HS3ST3A1: variants seen among roughly 807,000 people sequenced by gnomAD.
HS3ST3A1 encodes heparan sulfate-glucosamine 3-sulfotransferase 3A1.
Under a neutral mutation model 25.7 loss-of-function variants are expected in HS3ST3A1, and 19 were observed. The ratio of observed to expected loss-of-function variants is 0.74; its 90% CI spans 0.52 to 1.08. HS3ST3A1 has a LOEUF of 1.08. HS3ST3A1 is among the 50% of genes least tolerant of loss of function. The pLI, the probability that HS3ST3A1 is intolerant of heterozygous loss-of-function variation, is 0.00. For missense variants in HS3ST3A1, 459 were observed against 594.3 expected (o/e 0.77, Z 2.37); for synonymous variants, 226 against 278.6 (o/e 0.81, Z 1.88).
At chr17:13,519,068 G>A (rs900093573) in intron 1 of HS3ST3A1, among the ~76,000 whole-genome samples, 1 of 152,128 alleles carries the variant, frequency 6.6e-6, no homozygotes, top group Non-Finnish European at 1.5e-5. Context: ...TATTAACAGT[G>A]GTTACCTCTA....
At chr17:13,547,166 T>C (rs1247928391) in intron 1 of HS3ST3A1, among the ~76,000 whole-genome samples, 2 of 152,106 alleles carry the variant, frequency 1.3e-5, no homozygotes, top group Non-Finnish European at 2.9e-5. Context: ...ACTTCATCCC[T>C]CCCCATAGCA....
intron 1 of HS3ST3A1, among the ~76,000 whole-genome samples, chr17:13,503,162 A>C (rs1905539320): frequency 7.0e-6 from 1 of 142,264 alleles, no homozygotes; most frequent in Admixed American, 7.1e-5. Flanking sequence ...CAAGAGAGCA[A>C]GACTCCATCT....
In HS3ST3A1 at chr17:13,496,146, G is replaced by T. The variant is rs776298980; in HGVS notation, c.*51C>A. The T allele has an allele frequency of 1.5e-5, 22 of 1,454,812 alleles. No individual in the cohort carries two copies. The Admixed American group carries it at 2.9e-4, about 19-fold the overall frequency. The allele number at this position is 1,454,812 out of a possible 1,614,324, so 90.1% of individuals were successfully genotyped here. ...TAAACTGTCTCTTCTCTACCGATTGGTAAAAAAATATATTATATTTTGATT... is the reference window on the plus strand; with the variant it reads ...TAAACTGTCTCTTCTCTACCGATTGTTAAAAAAATATATTATATTTTGATT... On this transcript the variant is annotated 3_prime_UTR_variant, in exon 2 of 2. Coordinates refer to ENST00000284110, the MANE Select transcript of HS3ST3A1 (RefSeq NM_006042.3).
At chr17:13,515,530 T>C (rs1439610640) in intron 1 of HS3ST3A1, among the ~76,000 whole-genome samples, 1 of 149,178 alleles carries the variant, frequency 6.7e-6, no homozygotes, top group African/African-American at 2.5e-5. Flanking sequence ...GCACCACGAT[T>C]TGTTTATCCA....
intron 1 of HS3ST3A1, among the ~76,000 whole-genome samples, chr17:13,572,884 T>C (rs1907855218): frequency 1.3e-5 from 2 of 152,182 alleles, no homozygotes; most frequent in African/African-American, 2.4e-5. Context: ...AAATTGTATA[T>C]ATTGAATTAG....
chr17:13,507,113 T>C (rs1235498282), intron 1 of HS3ST3A1, among the ~76,000 whole-genome samples: 1 of 148,752 alleles, frequency 6.7e-6, no homozygotes, highest in Non-Finnish European at 1.5e-5. Flanking sequence ...AGTCAGAAGA[T>C]GAAGTTCATA....
At chr17:13,542,866 A>G (rs1175620871) in intron 1 of HS3ST3A1, among the ~76,000 whole-genome samples, 2 of 152,212 alleles carry the variant, frequency 1.3e-5, no homozygotes, top group East Asian at 3.9e-4. Flanking sequence ...GGGTGGAAAG[A>G]GGAGCTGAAG....
At chr17:13,541,057 G>A (rs1408100713) in intron 1 of HS3ST3A1, among the ~76,000 whole-genome samples, 4 of 152,168 alleles carry the variant, frequency 2.6e-5, no homozygotes, top group Admixed American at 6.5e-5. Flanking sequence ...GTTTTAAACT[G>A]AAAGCTATGA....
At chr17:13,504,604 A>AT (rs1170458974) in intron 1 of HS3ST3A1, among the ~76,000 whole-genome samples, 14 of 152,112 alleles carry the variant, frequency 9.2e-5, no homozygotes, top group African/African-American at 3.4e-4. Context: ...GTGTCCCATG[A>AT]TTTGTGTCCT....
intron 1 of HS3ST3A1, among the ~76,000 whole-genome samples, chr17:13,577,890 C>T (rs956138890): frequency 4.2e-5 from 5 of 118,150 alleles, no homozygotes; most frequent in African/African-American, 7.0e-5. Context: ...GTGTGTGTGT[C>T]AAAAGAATTC....
chr17:13,562,280 G>A (rs543348161), intron 1 of HS3ST3A1, among the ~76,000 whole-genome samples: 1 of 152,114 alleles, frequency 6.6e-6, no homozygotes, highest in Non-Finnish European at 1.5e-5. Flanking sequence ...CACAGTCATG[G>A]TCTGGAGGAG....
At chr17:13,525,211 C>T (rs1265440489) in intron 1 of HS3ST3A1, among the ~76,000 whole-genome samples, 2 of 152,094 alleles carry the variant, frequency 1.3e-5, no homozygotes, top group African/African-American at 4.8e-5. Flanking sequence ...CTTATTCCTC[C>T]TATTATGATG....
At chr17:13,579,852 A>G (rs1158752907) in intron 1 of HS3ST3A1, among the ~76,000 whole-genome samples, 1 of 149,068 alleles carries the variant, frequency 6.7e-6, no homozygotes, top group Non-Finnish European at 1.5e-5. Flanking sequence ...CTTGCCTGTA[A>G]TCCCAGTTAT....
At chr17:13,530,063 C>T (rs1335178748) in intron 1 of HS3ST3A1, among the ~76,000 whole-genome samples, 1 of 151,544 alleles carries the variant, frequency 6.6e-6, no homozygotes, top group African/African-American at 2.4e-5. Flanking sequence ...CATATACCTA[C>T]CATTAGGAAA....
Position 13,600,931 on chromosome 17 carries a change from C to T in HS3ST3A1, c.199G>A (p.Gly67Ser). ...GGGCCTCCGGCCAGGACGCCGCCAC[C>T]AGGGGCCCCCGCCTCCTCGCCGCCG... is the stretch of plus-strand genomic sequence containing the variant. The part of the protein sequence containing the change: ...SGGGEEAGAP[G>S]GGVLAGGPRE... The change falls in exon 1 of 2, where the codon GGT (glycine) becomes AGT (serine). Residue 67 changes from glycine (G) to serine (S), a missense_variant. Transcript: ENST00000284110. 2.0e-6 allele frequency: 3 copies of T among 1,531,244 alleles called. No individual in the cohort carries two copies. Among genetic ancestry groups the T allele is most frequent in the Non-Finnish European group, 2.6e-6 (3 of 1,139,518 alleles). The allele number at this position is 1,531,244 out of a possible 1,614,324, so 94.9% of individuals were successfully genotyped here.
At chr17:13,557,610 T>C (rs1279815675) in intron 1 of HS3ST3A1, among the ~76,000 whole-genome samples, 1 of 152,112 alleles carries the variant, frequency 6.6e-6, no homozygotes, top group Non-Finnish European at 1.5e-5. Context: ...AAGCAGCTAC[T>C]TAAGAGGTGA....
chr17:13,546,222 C>T (rs1598422147), intron 1 of HS3ST3A1, among the ~76,000 whole-genome samples: 1 of 152,066 alleles, frequency 6.6e-6, no homozygotes, highest in East Asian at 1.9e-4. Flanking sequence ...ATGAATCTGC[C>T]TCTGAAACCA....
chr17:13,535,471 T>C (rs1906743917), intron 1 of HS3ST3A1, among the ~76,000 whole-genome samples: 3 of 152,174 alleles, frequency 2.0e-5, no homozygotes, highest in Admixed American at 6.5e-5. Context: ...GAGAGTGTTG[T>C]TTCATTCAAC....
intron 1 of HS3ST3A1, among the ~76,000 whole-genome samples, chr17:13,501,241 A>T (rs962966154): frequency 3.3e-5 from 5 of 150,992 alleles, no homozygotes; most frequent in Admixed American, 1.3e-4. Flanking sequence ...TTAAAATGGT[A>T]AATTTTATGT....
Sources: allele counts gnomAD v4.1 joint callset (sites outside exome capture counted in the v4.1 genomes callset), GRCh38; gene constraint gnomAD v4.1.1; transcripts MANE v1.5; gene names NCBI Gene and HGNC (gene_info 2026-07-23, HGNC 2026-07-21).